Variants in SPATA16 observed in about 807,000 individuals in gnomAD.
The protein encoded by SPATA16 is spermatogenesis-associated protein 16.
A neutral mutation model predicts 63.3 loss-of-function variants in SPATA16; 36 were observed. The observed-to-expected ratio is 0.57, with a 90% confidence interval of 0.44 to 0.75. SPATA16 has a LOEUF of 0.75. Among genes scored for constraint, SPATA16 ranks in the 30% least tolerant of loss-of-function variants. The pLI is 0.00. For missense variants in SPATA16, 646 were observed against 679.3 expected (o/e 0.95, Z 0.54); for synonymous variants, 203 against 216.7 (o/e 0.94, Z 0.56).
intron 2 of SPATA16, among the ~76,000 whole-genome samples, chr3:173,077,499 T>G (rs1338763348): frequency 6.6e-6 from 1 of 152,226 alleles, no homozygotes; most frequent in African/African-American, 2.4e-5. Flanking sequence ...AGGATAAAAC[T>G]TTATTTAAAG....
chr3:172,937,949 G>C (rs1469675920), intron 6 of SPATA16, among the ~76,000 whole-genome samples: 1 of 152,086 alleles, frequency 6.6e-6, no homozygotes, highest in Non-Finnish European at 1.5e-5. Flanking sequence ...GTGACTATAA[G>C]ATCTGTTTAT....
intron 5 of SPATA16, among the ~76,000 whole-genome samples, chr3:172,970,003 C>T (rs1032495196): frequency 6.6e-6 from 1 of 152,146 alleles, no homozygotes; most frequent in Non-Finnish European, 1.5e-5. Context: ...CAAGCCCAGT[C>T]GAGATTACCC....
intron 1 of SPATA16, among the ~76,000 whole-genome samples, chr3:173,118,428 C>A (rs1279694574): frequency 6.6e-6 from 1 of 152,126 alleles, no homozygotes; most frequent in Non-Finnish European, 1.5e-5. Context: ...ACAATGTACA[C>A]TGTATAAAGA....
At chr3:172,919,624 T>C (rs202084437) in intron 8 of SPATA16, among the ~76,000 whole-genome samples, 5 of 152,170 alleles carry the variant, frequency 3.3e-5, no homozygotes, top group Non-Finnish European at 5.9e-5. Context: ...CTTTTTACAG[T>C]TAATTTTTGG....
chr3:172,979,263 A>G (rs1734242684), intron 4 of SPATA16, among the ~76,000 whole-genome samples: 1 of 151,992 alleles, frequency 6.6e-6, no homozygotes, highest in Non-Finnish European at 1.5e-5. Context: ...AAATAGTCCA[A>G]TGCCAGTGTG....
At chr3:172,925,197 G>A (rs1032219750) in intron 7 of SPATA16, 149 bp downstream of exon 7, 32 of 873,728 alleles carry the variant, frequency 3.7e-5, no homozygotes, top group Non-Finnish European at 5.5e-5. Context: ...TGTTCTTGGG[G>A]AAAGATTTCC....
intron 10 of SPATA16, among the ~76,000 whole-genome samples, chr3:172,898,310 A>T (rs148969362): frequency 1.1e-4 from 16 of 152,150 alleles, no homozygotes; most frequent in African/African-American, 3.4e-4. Context: ...GAAATTGTGC[A>T]GAATTGGTGT....
chr3:173,096,917 C>T (rs953795691), intron 2 of SPATA16, among the ~76,000 whole-genome samples: 4 of 151,976 alleles, frequency 2.6e-5, no homozygotes, highest in Non-Finnish European at 5.9e-5. Context: ...AAAGTATAAC[C>T]ACTAACACTT....
At chr3:173,025,118 G>A (rs1476683719) in intron 3 of SPATA16, among the ~76,000 whole-genome samples, 1 of 150,812 alleles carries the variant, frequency 6.6e-6, no homozygotes, top group Non-Finnish European at 1.5e-5. Context: ...GAATATCTTG[G>A]ACAATTTCTT....
At chr3:173,077,841 C>T (rs12630529) in intron 2 of SPATA16, among the ~76,000 whole-genome samples, 23,821 of 152,090 alleles carry the variant, frequency 0.16, 2,060 homozygotes, top group South Asian at 0.28. Flanking sequence ...AACATGGAGA[C>T]GTCACTTCCA....
intron 2 of SPATA16, among the ~76,000 whole-genome samples, chr3:173,094,582 C>T (rs1176772639): frequency 6.6e-6 from 1 of 151,216 alleles, no homozygotes; most frequent in African/African-American, 2.4e-5. Flanking sequence ...TAATCTGTAT[C>T]TTTATCTTCA....
At chr3:173,018,077 G>A (rs1015922663) in intron 4 of SPATA16, among the ~76,000 whole-genome samples, 11 of 152,234 alleles carry the variant, frequency 7.2e-5, no homozygotes, top group Admixed American at 2.6e-4. Flanking sequence ...GCAAAAAAGA[G>A]AGTGATAAAG....
At chr3:173,006,586 A>G (rs1206841151) in intron 4 of SPATA16, among the ~76,000 whole-genome samples, 1 of 152,208 alleles carries the variant, frequency 6.6e-6, no homozygotes, top group Non-Finnish European at 1.5e-5. Flanking sequence ...TACCTGTGAG[A>G]ATATTCTCCT....
At chr3:172,956,227 A>T (rs1733591562) in intron 6 of SPATA16, among the ~76,000 whole-genome samples, 1 of 152,104 alleles carries the variant, frequency 6.6e-6, no homozygotes, top group Non-Finnish European at 1.5e-5. Flanking sequence ...TCCAGATCTC[A>T]TTTGGATACC....
chr3:173,047,594 C>T (rs1171835094), intron 3 of SPATA16, among the ~76,000 whole-genome samples: 1 of 151,822 alleles, frequency 6.6e-6, no homozygotes, highest in Non-Finnish European at 1.5e-5. Flanking sequence ...ATTTTTTAGT[C>T]TGTAAATAGT....
chr3:173,033,840 G>C (rs1237632939), intron 3 of SPATA16, among the ~76,000 whole-genome samples: 1 of 152,092 alleles, frequency 6.6e-6, no homozygotes, highest in Non-Finnish European at 1.5e-5. Flanking sequence ...AGGTAGCTGG[G>C]ACTACAGGTG....
intron 3 of SPATA16, among the ~76,000 whole-genome samples, chr3:173,046,272 A>G (rs867328131): frequency 7.2e-5 from 11 of 151,994 alleles, no homozygotes; most frequent in South Asian, 2.1e-4. Flanking sequence ...AAAAAATAAT[A>G]CTTATATATG....
intron 6 of SPATA16, among the ~76,000 whole-genome samples, chr3:172,942,511 TA>T (rs1247660660): frequency 2.0e-5 from 3 of 148,984 alleles, no homozygotes; most frequent in Admixed American, 1.3e-4. Context: ...TTAATAATCT[TA>T]AAACAGGCAC....
intron 4 of SPATA16, among the ~76,000 whole-genome samples, chr3:173,008,174 A>C (rs1577129317): frequency 6.6e-6 from 1 of 152,320 alleles, no homozygotes; most frequent in South Asian, 2.1e-4. Flanking sequence ...CAGATCCGAT[A>C]CTGTGGCCCT....
Sources: allele counts gnomAD v4.1 joint callset (sites outside exome capture counted in the v4.1 genomes callset), GRCh38; gene constraint gnomAD v4.1.1; transcripts MANE v1.5; gene names NCBI Gene and HGNC (gene_info 2026-07-23, HGNC 2026-07-21).